Variants in ABCA13 observed in about 807,000 individuals in gnomAD.
The protein encoded by ABCA13 is ATP-binding cassette sub-family A member 13.
A neutral mutation model predicts 478.7 loss-of-function variants in ABCA13; 476 were observed. The ratio of observed to expected loss-of-function variants is 0.99; its 90% confidence interval spans 0.92 to 1.07. The LOEUF (loss-of-function observed/expected upper bound fraction) is 1.07. Ranked by LOEUF, ABCA13 falls within the 50% of genes least tolerant of loss-of-function variation. The pLI is 0.00. For synonymous variants in ABCA13, 2,252 were observed against 2,158.9 expected (o/e 1.04, Z -1.20); for missense variants, 6,060 against 5,910.6 (o/e 1.03, Z -0.83).
rs749047781 is a variant in ABCA13 at position 48,278,393 on chromosome 7, A to C, written c.7199A>C (p.Glu2400Ala). The C allele has an allele frequency of 8.1e-6, 13 of 1,613,928 alleles. No individual in the cohort carries two copies. The highest frequency in any genetic ancestry group is 1.1e-5 in the Non-Finnish European group (13 of 1,179,858). ...TTGTTTTTCCATGTGAATAAGTCTG[A>C]GGACCTCTTCAAACTCAATCAAGAT... ...SQLFFHVNKS[E>A]DLFKLNQDLG... The change falls in exon 18 of 62, where the codon GAG becomes GCG. Residue 2400 changes from glutamate to alanine, a missense_variant. Physicochemically the swap from Glu to Ala is moderately radical, Grantham distance 107. Around this residue, in one of 3 missense-constraint regions of ABCA13, gnomAD observed 4,423 missense variants for 4,309.1 expected, o/e 1.03. Transcript: ENST00000435803.
chr7:48,443,347 T>C (rs757919186), intron 42 of ABCA13, among the ~76,000 whole-genome samples: 21 of 152,088 alleles, frequency 1.4e-4, no homozygotes, highest in Non-Finnish European at 2.4e-4. Context: ...CACTTGACAA[T>C]GAGATGGGGC....
intron 52 of ABCA13, among the ~76,000 whole-genome samples, chr7:48,518,891 C>T (rs892645953): frequency 6.6e-6 from 1 of 152,020 alleles, no homozygotes; most frequent in Non-Finnish European, 1.5e-5. Flanking sequence ...TGGTGGTTTG[C>T]TGCACCTCTC....
rs781495707 is a variant in ABCA13, at chr7:48,272,490, G to C, written c.2824G>C (p.Asp942His). Residue 942 changes from aspartate to histidine, a missense_variant, in exon 17 of 62, where the codon GAT becomes CAT. Physicochemically the swap from Asp to His is moderately conservative, Grantham distance 81 (BLOSUM62 -1). Around this residue, in one of 3 missense-constraint regions of ABCA13, gnomAD observed 4,423 missense variants for 4,309.1 expected, o/e 1.03. Transcript: ENST00000435803. ...TTCTGAACCACAAAAACAAGAAGTT[G>C]ATAAAATTTTGACTCACATACACCT... Reference protein sequence around the residue: ...ALSEPQKQEVDKILTHIHLNV... With the variant: ...ALSEPQKQEVHKILTHIHLNV... 3 of 1,613,736 alleles carry C rather than the reference G, an allele frequency of 1.9e-6. No homozygotes were observed. The highest frequency in any genetic ancestry group is 1.7e-6 in the Non-Finnish European group (2 of 1,179,760).
intron 55 of ABCA13, among the ~76,000 whole-genome samples, chr7:48,558,742 A>G (rs995893970): frequency 6.6e-6 from 1 of 152,098 alleles, no homozygotes; most frequent in Non-Finnish European, 1.5e-5. Context: ...GGCTATTTTG[A>G]ATTATCTATG....
chr7:48,344,771 C>CA (rs1310977922), intron 29 of ABCA13, among the ~76,000 whole-genome samples: 1 of 152,198 alleles, frequency 6.6e-6, no homozygotes, highest in African/African-American at 2.4e-5. Flanking sequence ...ATCTTTCTCT[C>CA]ATAGCAGTGC....
At chr7:48,597,674 C>T (rs1004135586) in intron 58 of ABCA13, among the ~76,000 whole-genome samples, 2 of 152,110 alleles carry the variant, frequency 1.3e-5, no homozygotes, top group African/African-American at 4.8e-5. Flanking sequence ...TTCACATTTT[C>T]CTAAGGACTA....
intron 51 of ABCA13, 138 bp downstream of exon 51, chr7:48,511,337 G>A (rs968801238): frequency 2.9e-5 from 21 of 717,180 alleles, no homozygotes; most frequent in Admixed American, 1.2e-4. Context: ...CAAGGGACAC[G>A]GAGCAAACAA....
chr7:48,198,380 C>T lies in ABCA13; in HGVS notation c.287+20C>T. On this transcript the variant is annotated intron_variant, in intron 3 of 61. Coordinates refer to ENST00000435803, the MANE Select transcript of ABCA13 (RefSeq NM_152701.5). ...TTTTCGGTAAGAGAAACACAAAGAT[C>T]TTTTTCAGAAATCTCAGAAAGCTGA... 1 of 1,611,968 alleles carries T rather than the reference C, an allele frequency of 6.2e-7. No individual in the cohort carries two copies. Among genetic ancestry groups the T allele is most frequent in the Non-Finnish European group, 8.5e-7 (1 of 1,179,166 alleles).
intron 58 of ABCA13, among the ~76,000 whole-genome samples, chr7:48,600,541 A>G (rs183086878): frequency 1.1e-3 from 164 of 152,172 alleles, no homozygotes; most frequent in Non-Finnish European, 1.8e-3. Context: ...TTTGAAGTAT[A>G]CTGTATTTAA....
chr7:48,455,028 G>A lies in ABCA13; in HGVS notation c.12566-9G>A, dbSNP rs1413006324. 2 of 1,492,582 alleles carry A rather than the reference G, an allele frequency of 1.3e-6. No homozygotes were observed. Among genetic ancestry groups the A allele is most frequent in the Non-Finnish European group, 1.8e-6 (2 of 1,121,950 alleles). 92.5% of individuals were successfully genotyped at this position (1,492,582 alleles called of 1,614,324 possible). A position where few individuals can be genotyped will look rare whatever the true frequency, so the allele number is the denominator to read the frequency against. On this transcript the variant is annotated splice_polypyrimidine_tract_variant and intron_variant, in intron 42 of 61. Transcript: ENST00000435803. ...GACCCAGCCGCCCTTCCTCCCGCCC[G>A]TCCTGCAGGTGGCTCCCTAGCACGG... is the stretch of plus-strand genomic sequence containing the variant.
chr7:48,200,585 T>G (rs1281502595), intron 3 of ABCA13, among the ~76,000 whole-genome samples: 1 of 152,106 alleles, frequency 6.6e-6, no homozygotes, highest in Non-Finnish European at 1.5e-5. Context: ...AAGAATGAAA[T>G]TCCTCACTTT....
chr7:48,408,171 G>C (rs1818509757), intron 39 of ABCA13, among the ~76,000 whole-genome samples: 1 of 152,160 alleles, frequency 6.6e-6, no homozygotes, highest in South Asian at 2.1e-4. Context: ...TAGATCTCTA[G>C]AATTTGTTCA....
intron 1 of ABCA13, among the ~76,000 whole-genome samples, chr7:48,174,100 G>A (rs537315580): frequency 6.6e-6 from 1 of 152,320 alleles, no homozygotes; most frequent in Non-Finnish European, 1.5e-5. Flanking sequence ...ATTTTTCACA[G>A]CATTCTCCCA....
At chr7:48,514,306 CAG>C (rs1563378244) in intron 51 of ABCA13, among the ~76,000 whole-genome samples, 1 of 152,172 alleles carries the variant, frequency 6.6e-6, no homozygotes, top group East Asian at 1.9e-4. Flanking sequence ...CAAAATTTAA[CAG>C]AGAGAGCTGG....
Position 48,295,776 on chromosome 7 carries a change from A to G in ABCA13, c.9032A>G (p.Glu3011Gly). The G allele has an allele frequency of 1.2e-6, 2 of 1,614,058 alleles. No homozygotes were observed. Among genetic ancestry groups the G allele is most frequent in the Non-Finnish European group, 1.7e-6 (2 of 1,179,902 alleles). Residue 3011 changes from glutamate to glycine, a missense_variant, in exon 21 of 62, where the codon GAG becomes GGG. Around this residue, in one of 3 missense-constraint regions of ABCA13, gnomAD observed 4,423 missense variants for 4,309.1 expected, o/e 1.03. Coordinates refer to ENST00000435803, the MANE Select transcript of ABCA13 (RefSeq NM_152701.5). ...AGCAAGAATCTTTCTAGCACCTTGG[A>G]GAGCTTCAAGAGCAGCTTGGAAAAT... ...SLSKNLSSTLESFKSSLENAT... is the reference protein window; with the variant it reads ...SLSKNLSSTLGSFKSSLENAT...
At chr7:48,544,460 G>A (rs893405936) in intron 55 of ABCA13, among the ~76,000 whole-genome samples, 5 of 151,674 alleles carry the variant, frequency 3.3e-5, no homozygotes, top group African/African-American at 1.2e-4. Flanking sequence ...ATGATGAGAC[G>A]CTGAAGGTTA....
chr7:48,239,300 G>A lies in ABCA13; in HGVS notation c.957G>A (p.Glu319=). The A allele has an allele frequency of 1.9e-6, 3 of 1,613,984 alleles. No homozygotes were observed. Among genetic ancestry groups the A allele is most frequent in the Non-Finnish European group, 2.5e-6 (3 of 1,179,872 alleles). The change falls in exon 9 of 62, where the codon GAG becomes GAA. Residue 319 remains glutamate (E), a synonymous_variant. Transcript: ENST00000435803. ...GTTCAGTCTTGTCTAGCACATCAGA[G>A]GATGAAGCTGAGAAATGGGGCCACG... is the stretch of plus-strand genomic sequence containing the variant. ...MVCSVLSSTS[E]DEAEKWGHVG...
intron 41 of ABCA13, among the ~76,000 whole-genome samples, chr7:48,419,515 C>T (rs1239029468): frequency 6.6e-6 from 1 of 151,970 alleles, no homozygotes; most frequent in Non-Finnish European, 1.5e-5. Flanking sequence ...TTCATCCCCA[C>T]CACCTTCTGA....
intron 48 of ABCA13, among the ~76,000 whole-genome samples, chr7:48,500,183 T>C (rs560681649): frequency 9.2e-5 from 14 of 152,332 alleles, no homozygotes; most frequent in Non-Finnish European, 1.3e-4. Flanking sequence ...AGGATTCCTC[T>C]TTATGAGACA....
Sources: allele counts gnomAD v4.1 joint callset (sites outside exome capture counted in the v4.1 genomes callset), GRCh38; gene constraint gnomAD v4.1.1; regional missense constraint gnomAD v4.1.1; transcripts MANE v1.5; gene names NCBI Gene and HGNC (gene_info 2026-07-23, HGNC 2026-07-21).